The following PTK7 variants were observed in gnomAD, a reference collection of about 807,000 sequenced individuals.
PTK7 encodes protein tyrosine kinase 7 (inactive).
Under a neutral mutation model 116.6 loss-of-function variants are expected in PTK7, and 39 were observed. That is an observed-to-expected ratio of 0.33 (90% CI 0.26 to 0.44). The LOEUF is 0.44. Ranked by LOEUF, PTK7 falls within the 20% of genes least tolerant of loss-of-function variation. The probability of loss-of-function intolerance (pLI) is 1.00; values close to 1 mark genes in which losing one functional copy is unlikely to be tolerated. For missense variants in PTK7, 1,169 were observed against 1,425.6 expected, an observed-to-expected ratio of 0.82 and a Z score of 2.90; for synonymous variants, 546 against 563.6, an observed-to-expected ratio of 0.97 and a Z score of 0.44.
At chr6:43,118,533 C>G (rs1199727908) in intron 1 of PTK7, among the ~76,000 whole-genome samples, 1 of 150,062 alleles carries the variant, frequency 6.7e-6, no homozygotes, top group African/African-American at 2.5e-5. Context: ...GAGACTCTGT[C>G]TTGAAATAAA....
rs1197933022 is a variant in PTK7, at chr6:43,076,551, G to A, written c.63G>A (p.Leu21=). 6.3e-7 allele frequency: 1 copy of A among 1,576,240 alleles called. No individual in the cohort carries two copies. Among genetic ancestry groups the A allele is most frequent in the Non-Finnish European group, 8.6e-7 (1 of 1,166,718 alleles). ...GGTTGCCTCTGCTCAGCGTCCTGCT[G>A]CTGCCGCTGCTGGGCGGTGAGTACC... ...PRRLPLLSVL[L]LPLLGGTQTA... Residue 21 remains leucine (L), a synonymous_variant, in exon 1 of 20, where the codon CTG becomes CTA. Coordinates refer to ENST00000230419, the MANE Select transcript of PTK7 (RefSeq NM_002821.5). The surrounding 1 kb of genome is among the most constrained non-coding windows in gnomAD (Gnocchi z 5.7).
At chr6:43,101,097 T>A (rs2150390085) in intron 1 of PTK7, among the ~76,000 whole-genome samples, 1 of 151,858 alleles carries the variant, frequency 6.6e-6, no homozygotes, top group South Asian at 2.1e-4. Flanking sequence ...CCGGGCATGG[T>A]GGCGCATGCC....
At chr6:43,154,985 A>G (rs1022581623) in intron 17 of PTK7, among the ~76,000 whole-genome samples, 1 of 152,220 alleles carries the variant, frequency 6.6e-6, no homozygotes, top group Non-Finnish European at 1.5e-5. Context: ...CTCACAGTGC[A>G]TGTGTGGAGA....
chr6:43,146,799 AT>A, intron 17 of PTK7, 101 bp downstream of exon 17: 3 of 1,005,312 alleles, frequency 3.0e-6, no homozygotes, highest in Non-Finnish European at 4.6e-6. Flanking sequence ...GCCAGGCCCT[AT>A]GGTAAGAACT....
Position 43,145,119 on chromosome 6 carries a change from G to A in PTK7, c.2408-81G>A, listed in dbSNP as rs1307587684. On this transcript the variant is annotated intron_variant, in intron 15 of 19. Coordinates refer to ENST00000230419, the MANE Select transcript of PTK7 (RefSeq NM_002821.5). The surrounding 1 kb of genome is among the most constrained non-coding windows in gnomAD (Gnocchi z 4.8). ...CCAGGTGGGTGGGTCCCCACTGTGG[G>A]AGAGGCTAGGCCCCTCCCCCAGGTC... 1.5e-6 allele frequency: 2 copies of A among 1,329,642 alleles called. No individual in the cohort carries two copies. The highest frequency in any genetic ancestry group is 1.5e-5 in the African/African-American group (1 of 68,034). 82.4% of individuals were successfully genotyped at this position (1,329,642 alleles called of 1,614,324 possible). A position where few individuals can be genotyped will look rare whatever the true frequency, so the allele number is the denominator to read the frequency against.
intron 1 of PTK7, among the ~76,000 whole-genome samples, chr6:43,105,291 GAAAA>G (rs879682489): frequency 8.0e-6 from 1 of 125,678 alleles, no homozygotes; most frequent in Non-Finnish European, 1.7e-5. Flanking sequence ...ATGACAAAAA[GAAAA>G]AAAAAAAAGG....
In PTK7 at chr6:43,143,450, G is replaced by T. The variant is rs760219120; in HGVS notation, c.2081G>T (p.Gly694Val). The change falls in exon 14 of 20, where the codon GGC becomes GTC. Residue 694 changes from glycine (G) to valine (V), a missense_variant. Physicochemically the swap from Gly to Val is moderately radical, Grantham distance 109 (BLOSUM62 -3). Coordinates refer to ENST00000230419, the MANE Select transcript of PTK7 (RefSeq NM_002821.5). The surrounding 1 kb of genome is among the most constrained non-coding windows in gnomAD (Gnocchi z 4.2). ...KPVPEESEGP[G>V]SPPPYKMIQT... ...GTGCCGGAGGAGTCGGAGGGCCCTG[G>T]CAGCCCTCCCCCCTACAAGATGATC... 3.1e-6 allele frequency: 5 copies of T among 1,614,036 alleles called. No homozygotes were observed. The South Asian group carries it at 5.5e-5, about 18-fold the overall frequency.
chr6:43,079,840 C>T (rs1241625537), intron 1 of PTK7, among the ~76,000 whole-genome samples: 2 of 149,538 alleles, frequency 1.3e-5, no homozygotes, highest in East Asian at 2.0e-4. Context: ...AGGAGGATCG[C>T]TTGAGCCCAG....
intron 1 of PTK7, among the ~76,000 whole-genome samples, chr6:43,102,644 A>G (rs1156732337): frequency 6.6e-6 from 1 of 152,112 alleles, no homozygotes; most frequent in Non-Finnish European, 1.5e-5. Context: ...AAGGTGTCAC[A>G]CAATTCTCTC....
At position 43,145,078 on chromosome 6, in the gene PTK7, G is replaced by A. The variant is rs955820800; in HGVS notation, c.2408-122G>A. 8 of 773,710 alleles carry A rather than the reference G, an allele frequency of 1.0e-5. No individual in the cohort carries two copies. Among genetic ancestry groups the A allele is most frequent in the Non-Finnish European group, 1.2e-5 (6 of 489,504 alleles). 47.9% of individuals were successfully genotyped at this position (773,710 alleles called of 1,614,324 possible). ...GGAGGGAGGGGGTCACAGCAGAACC[G>A]GGTCTCGTGCCCAGCCCAGGTGGGT... On this transcript the variant is annotated intron_variant, in intron 15 of 19. Coordinates refer to ENST00000230419, the MANE Select transcript of PTK7 (RefSeq NM_002821.5). The surrounding 1 kb of genome is among the most constrained non-coding windows in gnomAD (Gnocchi z 4.8).
chr6:43,076,883 G>C lies in PTK7; in HGVS notation c.79+316G>C. ...CGAGAGTTGCTGGCTCTCGGGCCCA[G>C]ATGGGGAGTTTCTTGTCGGGGGAGA... On this transcript the variant is annotated intron_variant, in intron 1 of 19. Transcript: ENST00000230419. The surrounding 1 kb of genome is among the most constrained non-coding windows in gnomAD (Gnocchi z 5.7). 6.7e-7 allele frequency: 1 copy of C among 1,502,090 alleles called. No individual in the cohort carries two copies. Among genetic ancestry groups the C allele is most frequent in the Non-Finnish European group, 8.9e-7 (1 of 1,123,302 alleles). The allele number at this position is 1,502,090 out of a possible 1,614,324, so 93.0% of individuals were successfully genotyped here.
In PTK7 at chr6:43,132,565, T is replaced by C. The variant is rs1582163880; in HGVS notation, c.1106T>C (p.Val369Ala). Residue 369 changes from valine (V) to alanine (A), a missense_variant, in exon 7 of 20, where the codon GTC (valine) becomes GCC (alanine). This residue lies in a region of PTK7 where 487 missense variants were observed against 549.8 expected (regional missense o/e 0.89). Transcript: ENST00000230419. ...AGVRLPTHGR[V>A]YQKGHELVLA... ...GTCCGGCTGCCCACCCATGGCAGGGTCTACCAGAAGGGCCACGAGCTGGTG... is the reference window on the plus strand; with the variant it reads ...GTCCGGCTGCCCACCCATGGCAGGGCCTACCAGAAGGGCCACGAGCTGGTG... 1 of 1,613,310 alleles carries C rather than the reference T, an allele frequency of 6.2e-7. No individual in the cohort carries two copies. The highest frequency in any genetic ancestry group is 1.3e-5 in the African/African-American group (1 of 75,032).
At chr6:43,133,707 G>A (rs1336087090) in intron 7 of PTK7, 2 of 152,168 alleles carry the variant, frequency 1.3e-5, no homozygotes, top group African/African-American at 4.8e-5. Flanking sequence ...ATTACAATAT[G>A]CACACAGAGA....
At chr6:43,087,065 C>G (rs1010414821) in intron 1 of PTK7, among the ~76,000 whole-genome samples, 1 of 152,176 alleles carries the variant, frequency 6.6e-6, no homozygotes, top group African/African-American at 2.4e-5. Context: ...TGCCTCTGTT[C>G]TAAAGTCATG....
intron 1 of PTK7, among the ~76,000 whole-genome samples, chr6:43,127,590 C>T (rs970441435): frequency 4.6e-5 from 7 of 152,208 alleles, no homozygotes; most frequent in African/African-American, 1.7e-4. Flanking sequence ...CTCCTCTTAA[C>T]ACAGAGAAGC....
At chr6:43,154,796 G>C (rs1022222221) in intron 17 of PTK7, among the ~76,000 whole-genome samples, 2 of 152,362 alleles carry the variant, frequency 1.3e-5, no homozygotes, top group South Asian at 4.1e-4. Flanking sequence ...CTCTGAGCTA[G>C]CCAGGGATGC....
Position 43,143,769 on chromosome 6 carries a change from C to G in PTK7, c.2251+149C>G. On this transcript the variant is annotated intron_variant, in intron 14 of 19. Coordinates refer to ENST00000230419, the MANE Select transcript of PTK7 (RefSeq NM_002821.5). This position sits in a 1 kb window ranked among gnomAD's most constrained non-coding sequence, Gnocchi z 4.2. ...GACTGCCCCACCCCTAGCGGGAAGC[C>G]TGGAGTTGGATTCCCAGGGCCTCGT... 1 of 879,378 alleles carries G rather than the reference C, an allele frequency of 1.1e-6. No individual in the cohort carries two copies. The highest frequency in any genetic ancestry group is 1.7e-6 in the Non-Finnish European group (1 of 592,588). 54.5% of individuals were successfully genotyped at this position (879,378 alleles called of 1,614,324 possible). A position where few individuals can be genotyped will look rare whatever the true frequency, so the allele number is the denominator to read the frequency against.
intron 19 of PTK7, 71 bp downstream of exon 19, chr6:43,160,037 T>C (rs573968388): frequency 1.3e-6 from 2 of 1,491,090 alleles, no homozygotes; most frequent in East Asian, 2.3e-5. Context: ...GCCCCAGGGC[T>C]GGTTCAGCCT....
chr6:43,119,917 C>T (rs899808606), intron 1 of PTK7, among the ~76,000 whole-genome samples: 2 of 152,164 alleles, frequency 1.3e-5, no homozygotes, highest in African/African-American at 4.8e-5. Flanking sequence ...CTGCATTCAC[C>T]TTTGGAAGGG....
Sources: gnomAD v4.1 joint callset for allele counts (sites outside exome capture counted in the v4.1 genomes callset) on GRCh38, gnomAD v4.1.1 for gene constraint, gnomAD v4.1.1 regional missense constraint, Gnocchi (gnomAD v3.1) non-coding constraint, MANE v1.5 for transcripts, NCBI Gene and HGNC (gene_info 2026-07-23, HGNC 2026-07-21) for gene names.